The following CADM1 variants were observed in gnomAD, a reference collection of about 807,000 sequenced individuals.
CADM1 encodes cell adhesion molecule 1, also known as TSLC-1.
A neutral mutation model predicts 53.1 loss-of-function variants in CADM1; 15 were observed. The ratio of observed to expected loss-of-function variants is 0.28; its 90% confidence interval spans 0.19 to 0.44. The LOEUF (loss-of-function observed/expected upper bound fraction) is 0.44, where lower values mean the gene tolerates loss of function less well. Ranked by LOEUF, CADM1 falls within the 20% of genes least tolerant of loss-of-function variation. CADM1 has a pLI of 1.00. For missense variants in CADM1, 434 were observed against 611.3 expected, an observed-to-expected ratio of 0.71 and a Z score of 3.06; for synonymous variants, 281 against 243.0, an observed-to-expected ratio of 1.16 and a Z score of -1.45.
At chr11:115,459,822 C>T (rs974450723) in intron 1 of CADM1, among the ~76,000 whole-genome samples, 1 of 152,192 alleles carries the variant, frequency 6.6e-6, no homozygotes, top group Non-Finnish European at 1.5e-5. Context: ...ACTTATGCTT[C>T]AGTGGGTTCA....
Position 115,174,266 on chromosome 11 carries a change from ATTTT to A in CADM1, c.*2204_*2207del, listed in dbSNP as rs10565366. 18 of 906,680 alleles carry A rather than the reference ATTTT, an allele frequency of 2.0e-5. No homozygotes were observed. In the Admixed American group the frequency reaches 5.7e-4, roughly 29 times the overall value. The allele number at this position is 906,680 out of a possible 1,614,324, so 56.2% of individuals were successfully genotyped here. A position where few individuals can be genotyped will look rare whatever the true frequency, so the allele number is the denominator to read the frequency against. ...TGCCAATTCTGTGAGCAATGGTGTGATTTTTTTTTTTTGTTTTTGTTTTTGTTTT... is the reference window on the plus strand; with the variant it reads ...TGCCAATTCTGTGAGCAATGGTGTGATTTTTTTTGTTTTTGTTTTTGTTTT... On this transcript the variant is annotated 3_prime_UTR_variant, in exon 12 of 12. Coordinates refer to ENST00000331581, the MANE Select transcript of CADM1 (RefSeq NM_001301043.2).
intron 1 of CADM1, among the ~76,000 whole-genome samples, chr11:115,369,086 T>A (rs1946250070): frequency 1.5e-5 from 2 of 130,410 alleles, no homozygotes; most frequent in Non-Finnish European, 3.3e-5. Flanking sequence ...GTTAGATGAA[T>A]CCTAAAAACG....
Position 115,217,920 on chromosome 11 carries a change from A to G in CADM1, c.793T>C (p.Leu265=), listed in dbSNP as rs1272959964. 1 of 1,613,614 alleles carries G rather than the reference A, an allele frequency of 6.2e-7. No individual in the cohort carries two copies. Among genetic ancestry groups the G allele is most frequent in the Non-Finnish European group, 8.5e-7 (1 of 1,179,632 alleles). The change falls in exon 6 of 12, where the codon TTA becomes CTA. Residue 265 remains leucine (L), a synonymous_variant. Coordinates refer to ENST00000331581, the MANE Select transcript of CADM1 (RefSeq NM_001301043.2). ...GGCTTCCCGATGGCTTCACATGTTA[A>G]CTCAAGCGCGTCCCCTTCCCGGGTT... is the stretch of plus-strand genomic sequence containing the variant. ...GLTREGDALE[L]TCEAIGKPQP...
chr11:115,355,894 G>C (rs1356688954), intron 1 of CADM1, among the ~76,000 whole-genome samples: 1 of 152,164 alleles, frequency 6.6e-6, no homozygotes, highest in East Asian at 1.9e-4. Flanking sequence ...TACAAGTGGC[G>C]TGATCTTGGC....
At chr11:115,353,792 C>T (rs1265090640) in intron 1 of CADM1, among the ~76,000 whole-genome samples, 2 of 152,056 alleles carry the variant, frequency 1.3e-5, no homozygotes, top group Admixed American at 6.6e-5. Flanking sequence ...AGTGGGTAGA[C>T]GTGATTGGTA....
intron 1 of CADM1, chr11:115,257,031 C>A (rs1057255954): frequency 1.6e-5 from 6 of 367,840 alleles, no homozygotes; most frequent in South Asian, 8.3e-5. Flanking sequence ...TAAGCCCTCA[C>A]AATTGTGCAC....
chr11:115,263,119 A>G (rs1278510318), intron 1 of CADM1, among the ~76,000 whole-genome samples: 2 of 152,248 alleles, frequency 1.3e-5, no homozygotes, highest in African/African-American at 2.4e-5. Flanking sequence ...TCATTGCATC[A>G]TATCATGAGG....
intron 1 of CADM1, among the ~76,000 whole-genome samples, chr11:115,355,965 T>C (rs571155862): frequency 6.6e-6 from 1 of 152,282 alleles, no homozygotes; most frequent in Non-Finnish European, 1.5e-5. Flanking sequence ...CCTGAGTAGC[T>C]GGGATTATAG....
intron 1 of CADM1, among the ~76,000 whole-genome samples, chr11:115,385,662 T>C (rs758490229): frequency 4.1e-5 from 6 of 146,818 alleles, no homozygotes; most frequent in Non-Finnish European, 7.4e-5. Flanking sequence ...CCGCCACAGG[T>C]ACATATTAAA....
chr11:115,350,925 T>TAAAAAA (rs11378288), intron 1 of CADM1, among the ~76,000 whole-genome samples: 1 of 135,854 alleles, frequency 7.4e-6, no homozygotes, highest in African/African-American at 2.8e-5. Flanking sequence ...TACGAGAAGT[T>TAAAAAA]AAAAAAAAAA....
At chr11:115,187,924 CT>C (rs1939655415) in intron 10 of CADM1, among the ~76,000 whole-genome samples, 1 of 152,166 alleles carries the variant, frequency 6.6e-6, no homozygotes, top group Non-Finnish European at 1.5e-5. Context: ...TTCCAGATCA[CT>C]TTCTTGTCTG....
rs1407568366 is a variant in CADM1 at position 115,174,298 on chromosome 11, T to G, written c.*2176A>C. 1.0e-6 allele frequency: 1 copy of G among 985,152 alleles called. No individual in the cohort carries two copies. Among genetic ancestry groups the G allele is most frequent in the Non-Finnish European group, 1.2e-6 (1 of 829,538 alleles). 61.0% of individuals were successfully genotyped at this position (985,152 alleles called of 1,614,324 possible). ...TTTTTTGTTTTTGTTTTTGTTTTTC[T>G]TTTTTTCTAAAAAGAACAACTGAAA... On this transcript the variant is annotated 3_prime_UTR_variant, in exon 12 of 12. Transcript: ENST00000331581.
intron 1 of CADM1, among the ~76,000 whole-genome samples, chr11:115,497,314 A>C: frequency 6.6e-6 from 1 of 152,184 alleles, no homozygotes; most frequent in East Asian, 1.9e-4. Flanking sequence ...CATCTACTAA[A>C]AGAAAAAATT....
At chr11:115,236,376 T>A (rs954543161) in intron 3 of CADM1, among the ~76,000 whole-genome samples, 3 of 152,200 alleles carry the variant, frequency 2.0e-5, no homozygotes, top group Non-Finnish European at 4.4e-5. Context: ...TGTCAAGGAA[T>A]CCTAGAGTAA....
chr11:115,488,094 C>T (rs1949416792), intron 1 of CADM1, among the ~76,000 whole-genome samples: 2 of 151,180 alleles, frequency 1.3e-5, no homozygotes, highest in South Asian at 4.2e-4. Flanking sequence ...TCAAGGAAGA[C>T]ATAGCATTCC....
At chr11:115,217,030 C>T (rs4938190) in intron 6 of CADM1, among the ~76,000 whole-genome samples, 59,037 of 151,996 alleles carry the variant, frequency 0.39, 13,956 homozygotes, top group Non-Finnish European at 0.53. Context: ...AAAGTTTGAG[C>T]GTCCTTAATC....
intron 5 of CADM1, among the ~76,000 whole-genome samples, chr11:115,224,970 T>C (rs1325648984): frequency 6.6e-6 from 1 of 152,168 alleles, no homozygotes; most frequent in Non-Finnish European, 1.5e-5. Flanking sequence ...TTTAGGGTCA[T>C]ACAGCTCGGA....
rs1945152576 is a variant in CADM1, at chr11:115,332,310, A to C, written c.125-91890T>G. Among the ~76,000 whole-genome samples, 4 of 152,222 alleles carry C rather than the reference A, an allele frequency of 2.6e-5. No homozygotes were observed. In the South Asian group the frequency reaches 8.3e-4, roughly 32 times the overall value. ...GGTAGAAGTTAGAAGGCTATTTCAAAGAGGAGACTAATAGAGTTTGAAATA... is the reference window on the plus strand; with the variant it reads ...GGTAGAAGTTAGAAGGCTATTTCAACGAGGAGACTAATAGAGTTTGAAATA... On this transcript the variant is annotated intron_variant, in intron 1 of 11. Transcript: ENST00000331581.
chr11:115,258,224 C>G lies in CADM1; in HGVS notation c.125-17804G>C, dbSNP rs573970772. 1.1e-4 allele frequency among the ~76,000 whole-genome samples: 17 copies of G among 152,224 alleles called. No homozygotes were observed. The South Asian group carries it at 2.7e-3, about 24-fold the overall frequency. On this transcript the variant is annotated intron_variant, in intron 1 of 11. Transcript: ENST00000331581. ...TTTATCCGAATGTTAATCCATGTCCCTTTTTTTCTGCTGCCCATTACTAGT... is the reference window on the plus strand; with the variant it reads ...TTTATCCGAATGTTAATCCATGTCCGTTTTTTTCTGCTGCCCATTACTAGT...
Sources: gnomAD v4.1 joint callset for allele counts (sites outside exome capture counted in the v4.1 genomes callset) on GRCh38, gnomAD v4.1.1 for gene constraint, MANE v1.5 for transcripts, NCBI Gene and HGNC (gene_info 2026-07-23, HGNC 2026-07-21) for gene names.